The following THSD7A variants were observed in gnomAD, a reference collection of about 807,000 sequenced individuals.
THSD7A encodes the protein thrombospondin type 1 domain containing 7A.
In THSD7A, 96 loss-of-function variants were observed where a neutral mutation model predicts 231.3. The observed-to-expected ratio is 0.41, with a 90% confidence interval of 0.35 to 0.49. The LOEUF is 0.49. Ranked by LOEUF, THSD7A falls within the 20% of genes least tolerant of loss-of-function variation. THSD7A has a pLI of 0.05. For missense variants in THSD7A, 2,290 were observed against 2,070.2 expected (o/e 1.11, Z -2.06); for synonymous variants, 940 against 743.3 (o/e 1.26, Z -4.30).
At chr7:11,399,066 T>A (rs1783300959) in intron 23 of THSD7A, among the ~76,000 whole-genome samples, 1 of 152,220 alleles carries the variant, frequency 6.6e-6, no homozygotes, top group Non-Finnish European at 1.5e-5. Flanking sequence ...CAAAAGGGTT[T>A]TGTGGCTATC....
Position 11,590,558 on chromosome 7 carries a change from G to A in THSD7A, c.1355C>T (p.Thr452Met), listed in dbSNP as rs767811878. 60 of 1,613,860 alleles carry A rather than the reference G, an allele frequency of 3.7e-5. No individual in the cohort carries two copies. Among genetic ancestry groups the A allele is most frequent in the African/African-American group, 1.6e-4 (12 of 75,040 alleles). ...CTGGATGCCCCCTCCACAGAGGGCC[G>A]TCTGGTTGCCGCGCCTCTTGTCCTG... Reference protein sequence around the residue: ...SQQDKRRGNQTALCGGGIQTR... With the variant: ...SQQDKRRGNQMALCGGGIQTR... Residue 452 changes from threonine to methionine, a missense_variant, in exon 4 of 28, where the codon ACG becomes ATG. By Grantham distance (81) the Thr-to-Met change is moderately conservative. Transcript: ENST00000423059. This position sits in a 1 kb window ranked among gnomAD's most constrained non-coding sequence, Gnocchi z 4.4.
chr7:11,735,273 CCG>C (rs201258413), intron 1 of THSD7A, among the ~76,000 whole-genome samples: 1 of 150,050 alleles, frequency 6.7e-6, no homozygotes, highest in Non-Finnish European at 1.5e-5. Context: ...AACATTTTAC[CCG>C]TATATTAAAG....
At chr7:11,381,612 G>T (rs17623878) in intron 24 of THSD7A, among the ~76,000 whole-genome samples, 1 of 152,160 alleles carries the variant, frequency 6.6e-6, no homozygotes, top group Admixed American at 6.6e-5. Context: ...AAGCAGGTCT[G>T]CCTGAGCAGT....
intron 6 of THSD7A, among the ~76,000 whole-genome samples, chr7:11,492,911 T>C (rs1786958189): frequency 6.6e-6 from 1 of 152,066 alleles, no homozygotes; most frequent in African/African-American, 2.4e-5. Flanking sequence ...TTCATAGTTG[T>C]CTGCTAGGAG....
chr7:11,405,741 T>C (rs1233348690), intron 22 of THSD7A, among the ~76,000 whole-genome samples: 1 of 152,210 alleles, frequency 6.6e-6, no homozygotes, highest in East Asian at 1.9e-4. Context: ...AATAGTTTCC[T>C]CCATACTGCT....
rs952092214 is a variant in THSD7A at position 11,636,187 on chromosome 7, C to T, written c.965G>A (p.Gly322Glu). ...QENKYWDIQI[G>E]YQTREVMCIN... Reference sequence around the variant, plus strand: ...GCACATAACCTCTCTGGTCTGATATCCAATCTGGATGTCCCAATATTTGTT... The same window carrying T: ...GCACATAACCTCTCTGGTCTGATATTCAATCTGGATGTCCCAATATTTGTT... The change falls in exon 2 of 28, where the codon GGA becomes GAA. Residue 322 changes from glycine to glutamate, a missense_variant. By Grantham distance (98) the Gly-to-Glu change is moderately conservative. Transcript: ENST00000423059. The surrounding 1 kb of genome is among the most constrained non-coding windows in gnomAD (Gnocchi z 10.0). 6.2e-7 allele frequency: 1 copy of T among 1,613,984 alleles called. No homozygotes were observed. The highest frequency in any genetic ancestry group is 8.5e-7 in the Non-Finnish European group (1 of 1,179,894).
chr7:11,778,971 A>G (rs1783535852), intron 1 of THSD7A, among the ~76,000 whole-genome samples: 1 of 152,156 alleles, frequency 6.6e-6, no homozygotes, highest in Non-Finnish European at 1.5e-5. Flanking sequence ...GAAAATAGTA[A>G]TATTCACATA....
intron 1 of THSD7A, among the ~76,000 whole-genome samples, chr7:11,695,596 G>T (rs894019079): frequency 6.6e-5 from 10 of 151,452 alleles, no homozygotes; most frequent in Non-Finnish European, 1.3e-4. Flanking sequence ...TCATATTATA[G>T]GACCTGAGGA....
chr7:11,581,285 T>C (rs1791151224), intron 4 of THSD7A, among the ~76,000 whole-genome samples: 1 of 152,140 alleles, frequency 6.6e-6, no homozygotes, highest in African/African-American at 2.4e-5. Context: ...CTTCATATTG[T>C]TAGAGATATT....
intron 6 of THSD7A, among the ~76,000 whole-genome samples, chr7:11,532,240 G>A (rs1788738365): frequency 6.6e-6 from 1 of 152,124 alleles, no homozygotes; most frequent in South Asian, 2.1e-4. Context: ...GCATCAGTGA[G>A]ACCAGGCAAA....
At chr7:11,495,139 A>T (rs1463798778) in intron 6 of THSD7A, among the ~76,000 whole-genome samples, 3 of 152,090 alleles carry the variant, frequency 2.0e-5, no homozygotes, top group Non-Finnish European at 4.4e-5. Context: ...AAATTGCCAG[A>T]AACATTATAT....
chr7:11,574,914 G>A (rs1790822562), intron 4 of THSD7A, among the ~76,000 whole-genome samples: 2 of 152,136 alleles, frequency 1.3e-5, no homozygotes, highest in African/African-American at 4.8e-5. Flanking sequence ...CTTACAAGTA[G>A]TAACCCTATA....
intron 6 of THSD7A, among the ~76,000 whole-genome samples, chr7:11,536,888 G>T (rs1788936844): frequency 6.6e-6 from 1 of 151,744 alleles, no homozygotes; most frequent in Non-Finnish European, 1.5e-5. Flanking sequence ...ACTTACCTCT[G>T]TCCCCCTTCA....
In THSD7A at chr7:11,411,356, CTAAG is replaced by C. The variant is rs1783779872; in HGVS notation, c.3683-38_3683-35del. On this transcript the variant is annotated intron_variant, in intron 18 of 27. Transcript: ENST00000423059. The surrounding 1 kb of genome is among the most constrained non-coding windows in gnomAD (Gnocchi z 4.1). Reference sequence around the variant, plus strand: ...AAGGGAAGCCCATCAGAACAGAAGGCTAAGTAAGAAACAGATTTCAAATGAAACT... The same window carrying C: ...AAGGGAAGCCCATCAGAACAGAAGGCTAAGAAACAGATTTCAAATGAAACT... 1.4e-6 allele frequency: 2 copies of C among 1,445,656 alleles called. No homozygotes were observed. The highest frequency in any genetic ancestry group is 1.9e-6 in the Non-Finnish European group (2 of 1,037,218). The allele number at this position is 1,445,656 out of a possible 1,614,324, so 89.6% of individuals were successfully genotyped here. A position where few individuals can be genotyped will look rare whatever the true frequency, so the allele number is the denominator to read the frequency against.
chr7:11,667,092 G>A (rs1202817536), intron 1 of THSD7A, among the ~76,000 whole-genome samples: 1 of 151,952 alleles, frequency 6.6e-6, no homozygotes, highest in African/African-American at 2.4e-5. Context: ...GGTACAGGTG[G>A]TTTTTGATTA....
At chr7:11,417,406 T>C in intron 17 of THSD7A, 44 bp downstream of exon 17, 2 of 1,486,230 alleles carry the variant, frequency 1.3e-6, no homozygotes, top group Non-Finnish European at 1.8e-6. Flanking sequence ...CAGTGGCAAA[T>C]AATTAAATAA....
At chr7:11,747,328 C>T (rs2128163431) in intron 1 of THSD7A, among the ~76,000 whole-genome samples, 1 of 152,014 alleles carries the variant, frequency 6.6e-6, no homozygotes, top group South Asian at 2.1e-4. Context: ...ACTTGGCCTG[C>T]TTCTCTAAGC....
rs1323628074 is a variant in THSD7A at position 11,634,942 on chromosome 7, T to C, written c.1022+1188A>G. 1.3e-5 allele frequency among the ~76,000 whole-genome samples: 2 copies of C among 151,264 alleles called. No homozygotes were observed. Among genetic ancestry groups the C allele is most frequent in the African/African-American group, 4.9e-5 (2 of 41,212 alleles). ...AGCAAAATCAGTAGACAAGAATAGA[T>C]TGAAAAAAAAATCAGGTGAGAAAAA... On this transcript the variant is annotated intron_variant, in intron 2 of 27. Transcript: ENST00000423059. This position sits in a 1 kb window ranked among gnomAD's most constrained non-coding sequence, Gnocchi z 4.1.
chr7:11,457,733 C>T (rs1785355372), intron 11 of THSD7A, among the ~76,000 whole-genome samples: 1 of 152,038 alleles, frequency 6.6e-6, no homozygotes, highest in African/African-American at 2.4e-5. Context: ...CTCAATCCAC[C>T]CACTTTTCTG....
Sources: allele counts gnomAD v4.1 joint callset (sites outside exome capture counted in the v4.1 genomes callset), GRCh38; gene constraint gnomAD v4.1.1; non-coding constraint Gnocchi (gnomAD v3.1); transcripts MANE v1.5; gene names NCBI Gene and HGNC (gene_info 2026-07-23, HGNC 2026-07-21).